The following PDE4D variants were observed in gnomAD, a reference collection of about 807,000 sequenced individuals.
The protein encoded by PDE4D is phosphodiesterase 4D.
In PDE4D, 24 loss-of-function variants were observed where a neutral mutation model predicts 87.4. The ratio of observed to expected loss-of-function variants is 0.27; its 90% confidence interval spans 0.20 to 0.39. The LOEUF (loss-of-function observed/expected upper bound fraction) is 0.39, where lower values mean the gene tolerates loss of function less well. Ranked by LOEUF, PDE4D falls within the 10% of genes least tolerant of loss-of-function variation. PDE4D has a pLI of 1.00. For synonymous variants in PDE4D, 384 were observed against 383.2 expected (o/e 1.00, Z -0.02); for missense variants, 714 against 1,041.0 (o/e 0.69, Z 4.32).
chr5:59,261,559 G>A (rs1010502521), intron 1 of PDE4D, among the ~76,000 whole-genome samples: 1 of 151,714 alleles, frequency 6.6e-6, no homozygotes, highest in African/African-American at 2.4e-5. Flanking sequence ...GACAGATTTT[G>A]GCAATAAGTG....
intron 1 of PDE4D, among the ~76,000 whole-genome samples, chr5:59,856,725 A>T (rs7737211): frequency 0.1 from 15,642 of 152,220 alleles, 2,537 homozygotes; most frequent in African/African-American, 0.34. Flanking sequence ...AGAAGCAGAC[A>T]TCTCTCTAGA....
intron 6 of PDE4D, among the ~76,000 whole-genome samples, chr5:59,031,125 T>C (rs1337964216): frequency 6.6e-6 from 1 of 151,992 alleles, no homozygotes; most frequent in Non-Finnish European, 1.5e-5. Context: ...TTCTACACTG[T>C]TGGTGGGAAT....
rs1262645574 is a variant in PDE4D, at chr5:60,464,950, T to C, written c.-90+22992A>G. Among the ~76,000 whole-genome samples the C allele has an allele frequency of 2.0e-5, 3 of 152,038 alleles. No homozygotes were observed. The East Asian group carries it at 5.8e-4, about 30-fold the overall frequency. Reference sequence around the variant, plus strand: ...GATCCCATCTCTATAAACTTTTTTTTGTTTTTTCATTAGCTAGGCATGGTG... The same window carrying C: ...GATCCCATCTCTATAAACTTTTTTTCGTTTTTTCATTAGCTAGGCATGGTG... On this transcript the variant is annotated intron_variant, in intron 1 of 16. Transcript: ENST00000502484.
intron 1 of PDE4D, among the ~76,000 whole-genome samples, chr5:59,577,326 T>C (rs1173954340): frequency 2.0e-5 from 3 of 152,080 alleles, no homozygotes; most frequent in African/African-American, 7.2e-5. Context: ...ATACCCAAGG[T>C]AGACAGGCTA....
At chr5:59,284,177 T>C (rs1476235041) in intron 1 of PDE4D, among the ~76,000 whole-genome samples, 1 of 152,194 alleles carries the variant, frequency 6.6e-6, no homozygotes, top group Non-Finnish European at 1.5e-5. Flanking sequence ...CCTGCTGCTC[T>C]GCAATCTGAA....
At chr5:60,014,679 A>G (rs1765351419) in intron 2 of PDE4D, among the ~76,000 whole-genome samples, 1 of 152,218 alleles carries the variant, frequency 6.6e-6, no homozygotes, top group African/African-American at 2.4e-5. Flanking sequence ...GCCCAATGGA[A>G]TGGAATATAA....
intron 1 of PDE4D, among the ~76,000 whole-genome samples, chr5:59,888,679 G>A (rs2152751551): frequency 6.6e-6 from 1 of 151,968 alleles, no homozygotes; most frequent in African/African-American, 2.4e-5. Flanking sequence ...CAAATTCACT[G>A]ATGTAGACAA....
chr5:59,658,553 T>C (rs1744747808), intron 1 of PDE4D, among the ~76,000 whole-genome samples: 1 of 152,140 alleles, frequency 6.6e-6, no homozygotes, highest in South Asian at 2.1e-4. Context: ...AGCTAATTTT[T>C]TGTATTTTTA....
chr5:59,599,071 C>T (rs1326746382), intron 1 of PDE4D, among the ~76,000 whole-genome samples: 1 of 151,902 alleles, frequency 6.6e-6, no homozygotes, highest in Admixed American at 6.6e-5. Flanking sequence ...ATAATTTTCC[C>T]CTCAAATATT....
chr5:59,909,972 C>G (rs1040741534), intron 3 of PDE4D, among the ~76,000 whole-genome samples: 1 of 152,056 alleles, frequency 6.6e-6, no homozygotes, highest in Non-Finnish European at 1.5e-5. Context: ...CCCATATATA[C>G]CCCCCACCAT....
At chr5:59,477,797 C>T (rs922215571) in intron 1 of PDE4D, among the ~76,000 whole-genome samples, 1 of 152,006 alleles carries the variant, frequency 6.6e-6, no homozygotes, top group African/African-American at 2.4e-5. Context: ...TGAAACCCAC[C>T]CTATCAGTGG....
intron 1 of PDE4D, among the ~76,000 whole-genome samples, chr5:59,297,741 T>C (rs1231548127): frequency 3.9e-5 from 6 of 152,044 alleles, no homozygotes; most frequent in African/African-American, 1.2e-4. Flanking sequence ...ATGAATGTTA[T>C]AATGAGAAAG....
chr5:59,588,743 T>G (rs1354264041), intron 1 of PDE4D, among the ~76,000 whole-genome samples: 2 of 152,194 alleles, frequency 1.3e-5, no homozygotes, highest in African/African-American at 4.8e-5. Flanking sequence ...AATGTGAACT[T>G]GTAGGTTCAG....
At chr5:60,376,236 T>A (rs758453353) in intron 1 of PDE4D, among the ~76,000 whole-genome samples, 7 of 152,166 alleles carry the variant, frequency 4.6e-5, no homozygotes, top group Non-Finnish European at 1.0e-4. Context: ...CTCTGAGCAC[T>A]AAATGGTGAT....
At chr5:60,089,742 A>G (rs1774917549) in intron 2 of PDE4D, among the ~76,000 whole-genome samples, 1 of 151,866 alleles carries the variant, frequency 6.6e-6, no homozygotes, top group Admixed American at 6.6e-5. Context: ...AAGATCAACA[A>G]AATGTAGTTG....
intron 1 of PDE4D, among the ~76,000 whole-genome samples, chr5:59,499,768 G>T (rs1274990435): frequency 6.6e-6 from 1 of 151,530 alleles, no homozygotes; most frequent in South Asian, 2.1e-4. Context: ...TAATGAAATT[G>T]AATCAGTAAT....
chr5:59,150,263 A>G (rs530136924), intron 5 of PDE4D, among the ~76,000 whole-genome samples: 1 of 152,266 alleles, frequency 6.6e-6, no homozygotes, highest in South Asian at 2.1e-4. Flanking sequence ...GAGCACAACA[A>G]TGGAAGAAAT....
chr5:59,982,025 C>A (rs987539862), intron 3 of PDE4D, among the ~76,000 whole-genome samples: 1 of 152,128 alleles, frequency 6.6e-6, no homozygotes, highest in Non-Finnish European at 1.5e-5. Context: ...GAATAGCACA[C>A]AAATCAAGGA....
At chr5:60,011,739 C>T (rs1040053431) in intron 2 of PDE4D, among the ~76,000 whole-genome samples, 1 of 152,052 alleles carries the variant, frequency 6.6e-6, no homozygotes, top group Non-Finnish European at 1.5e-5. Flanking sequence ...AGTATGCTGA[C>T]CCTTGCTCTA....
Sources: allele counts gnomAD v4.1 joint callset (sites outside exome capture counted in the v4.1 genomes callset), GRCh38; gene constraint gnomAD v4.1.1; transcripts MANE v1.5; gene names NCBI Gene and HGNC (gene_info 2026-07-23, HGNC 2026-07-21).